The following AP2A2 variants were observed in gnomAD, a reference collection of about 807,000 sequenced individuals.
AP2A2 encodes AP-2 complex subunit alpha-2.
In AP2A2, 32 loss-of-function variants were observed where a neutral mutation model predicts 104.2. The observed-to-expected ratio is 0.31, with a 90% CI of 0.23 to 0.41. The LOEUF is 0.41. Ranked by LOEUF, AP2A2 falls within the 10% of genes least tolerant of loss-of-function variation. The pLI is 1.00. For synonymous variants in AP2A2, 539 were observed against 533.3 expected (o/e 1.01, Z -0.15); for missense variants, 912 against 1,261.0 (o/e 0.72, Z 4.19).
chr11:983,588 T>TTAG (rs1445258425), intron 6 of AP2A2, among the ~76,000 whole-genome samples: 2 of 151,892 alleles, frequency 1.3e-5, no homozygotes, highest in East Asian at 3.9e-4. Flanking sequence ...TTTCACTGTG[T>TTAG]TAGCCAGGAT....
At position 986,924 on chromosome 11, in the gene AP2A2, C is replaced by G; in HGVS notation, c.1102C>G (p.His368Asp). The G allele has an allele frequency of 1.3e-6, 2 of 1,596,800 alleles. No homozygotes were observed. Among genetic ancestry groups the G allele is most frequent in the Non-Finnish European group, 1.7e-6 (2 of 1,172,266 alleles). The part of the protein sequence containing the change: ...SEFSHEAVKT[H>D]IETVINALKT... ...GTTCTCCCATGAGGCTGTCAAGACGCACATCGAGACGGTCATCAACGCCCT... is the reference window on the plus strand; with the variant it reads ...GTTCTCCCATGAGGCTGTCAAGACGGACATCGAGACGGTCATCAACGCCCT... The change falls in exon 9 of 22, where the codon CAC becomes GAC. Residue 368 changes from histidine to aspartate, a missense_variant. His to Asp is a moderately conservative substitution (Grantham distance 81). This residue lies in a region of AP2A2 where 350 missense variants were observed against 487.0 expected (regional missense o/e 0.72). Coordinates refer to ENST00000448903, the MANE Select transcript of AP2A2 (RefSeq NM_012305.4).
chr11:966,229 G>A (rs374125233), intron 2 of AP2A2, among the ~76,000 whole-genome samples: 1 of 152,100 alleles, frequency 6.6e-6, no homozygotes, highest in Non-Finnish European at 1.5e-5. Flanking sequence ...GCGGTGGCTC[G>A]TGCCTATAAT....
At position 992,813 on chromosome 11, in the gene AP2A2, T is replaced by C. The variant is rs535223514; in HGVS notation, c.1452+128T>C. The C allele has an allele frequency of 6.4e-6, 6 of 943,612 alleles. No homozygotes were observed. Among genetic ancestry groups the C allele is most frequent in the Admixed American group, 6.2e-5 (3 of 48,356 alleles). The allele number at this position is 943,612 out of a possible 1,614,324, so 58.5% of individuals were successfully genotyped here. A position where few individuals can be genotyped will look rare whatever the true frequency, so the allele number is the denominator to read the frequency against. On this transcript the variant is annotated intron_variant, in intron 11 of 21. Transcript: ENST00000448903. The surrounding 1 kb of genome is among the most constrained non-coding windows in gnomAD (Gnocchi z 6.4). ...GCTGACCCCTCTTGCCCCTCAGCTC[T>C]TCCCTGAGGCTCTAGCTCCTCCACT...
At chr11:955,202 T>TGCACACATAGGCAC (rs1554884963) in intron 1 of AP2A2, among the ~76,000 whole-genome samples, 1 of 152,226 alleles carries the variant, frequency 6.6e-6, no homozygotes, top group Non-Finnish European at 1.5e-5. Flanking sequence ...CACAGTGGCA[T>TGCACACATAGGCAC]GCACACATAG....
intron 5 of AP2A2, among the ~76,000 whole-genome samples, chr11:978,403 C>T (rs1022230836): frequency 1.3e-4 from 20 of 152,280 alleles, no homozygotes; most frequent in African/African-American, 4.8e-4. Context: ...AGGGCCTTGC[C>T]TCAGATGGCC....
At chr11:955,254 C>T (rs2134545232) in intron 1 of AP2A2, among the ~76,000 whole-genome samples, 1 of 152,354 alleles carries the variant, frequency 6.6e-6, no homozygotes, top group East Asian at 1.9e-4. Flanking sequence ...CAGAGTGCCT[C>T]ACCCATGCGC....
chr11:927,816 CAAAAAAAAA>C (rs35472837), intron 1 of AP2A2, among the ~76,000 whole-genome samples: 1 of 68,838 alleles, frequency 1.5e-5, no homozygotes, highest in Non-Finnish European at 2.5e-5. Context: ...ACCTTTCTCA[CAAAAAAAAA>C]AAAAAAAAAA....
At chr11:962,562 A>G (rs1255904702) in intron 2 of AP2A2, among the ~76,000 whole-genome samples, 2 of 151,904 alleles carry the variant, frequency 1.3e-5, no homozygotes, top group Admixed American at 6.6e-5. Flanking sequence ...GTGAAACCCC[A>G]TCTTTACTAA....
intron 4 of AP2A2, among the ~76,000 whole-genome samples, chr11:975,834 C>T (rs139233969): frequency 1.1e-3 from 164 of 152,214 alleles, no homozygotes; most frequent in African/African-American, 3.5e-3. Flanking sequence ...GTGGGGTCCT[C>T]GGTCTCCCTC....
At chr11:999,105 TTGCTGGGGAGCC>T (rs1471448710) in intron 14 of AP2A2, among the ~76,000 whole-genome samples, 1 of 152,056 alleles carries the variant, frequency 6.6e-6, no homozygotes, top group African/African-American at 2.4e-5. Flanking sequence ...TGCTGGGGCA[TTGCTGGGGAGCC>T]TGCTGCCCTG....
At chr11:978,987 C>T (rs368592317) in intron 5 of AP2A2, among the ~76,000 whole-genome samples, 43 of 151,862 alleles carry the variant, frequency 2.8e-4, no homozygotes, top group African/African-American at 9.7e-4. Context: ...ATGGAGCAGA[C>T]AGGTTGGAGT....
chr11:941,081 TGCCTGGCTGCAG>T (rs1050412946), intron 1 of AP2A2, among the ~76,000 whole-genome samples: 1 of 152,238 alleles, frequency 6.6e-6, no homozygotes, highest in Non-Finnish European at 1.5e-5. Flanking sequence ...CCGAGGGGCC[TGCCTGGCTGCAG>T]GGTCTCATGG....
At chr11:1,003,631 C>T in intron 15 of AP2A2, 91 bp from the exon 16 acceptor site, 2 of 749,770 alleles carry the variant, frequency 2.7e-6, no homozygotes, top group Non-Finnish European at 2.1e-6. Context: ...TTTTTCTGGC[C>T]TCCTCGTGCT....
intron 14 of AP2A2, among the ~76,000 whole-genome samples, chr11:999,709 A>G (rs1855965597): frequency 6.6e-6 from 1 of 152,192 alleles, no homozygotes; most frequent in South Asian, 2.1e-4. Context: ...TTAATGATTA[A>G]TAATGCACCC....
At position 1,011,585 on chromosome 11, in the gene AP2A2, C is replaced by G. The variant is rs773357859; in HGVS notation, c.*960C>G. ...TCTCACCTGTCATCTGGACTCAGCA[C>G]CCAGGCTGCACGTCTGACACCTGAG... On this transcript the variant is annotated 3_prime_UTR_variant, in exon 22 of 22. Transcript: ENST00000448903. The G allele has an allele frequency of 2.3e-6, 1 of 440,006 alleles. No homozygotes were observed. Among genetic ancestry groups the G allele is most frequent in the African/African-American group, 2.0e-5 (1 of 50,062 alleles). The allele number at this position is 440,006 out of a possible 1,614,324, so 27.3% of individuals were successfully genotyped here. A position where few individuals can be genotyped will look rare whatever the true frequency, so the allele number is the denominator to read the frequency against.
rs770873625 is a variant in AP2A2, at chr11:972,048, C to G, written c.280-14C>G. The G allele has an allele frequency of 2.7e-5, 43 of 1,606,944 alleles. No individual in the cohort carries two copies. Among genetic ancestry groups the G allele is most frequent in the Non-Finnish European group, 3.6e-5 (42 of 1,176,392 alleles). On this transcript the variant is annotated splice_polypyrimidine_tract_variant and intron_variant, in intron 3 of 21. Coordinates refer to ENST00000448903, the MANE Select transcript of AP2A2 (RefSeq NM_012305.4). ...TGTCATGAGCTTTCTCTTCTCCTGT[C>G]TTTTGGAACGCAGGGCTACCTTTTC... is the stretch of plus-strand genomic sequence containing the variant.
At chr11:1,007,733 A>T in intron 17 of AP2A2, 1 of 536,464 alleles carries the variant, frequency 1.9e-6, no homozygotes. Context: ...TGTAAGACCC[A>T]GAGCCGAGGC....
Position 1,009,118 on chromosome 11 carries a change from G to T in AP2A2, c.2439G>T (p.Gln813His), listed in dbSNP as rs1286601171. 6.2e-7 allele frequency: 1 copy of T among 1,613,066 alleles called. No homozygotes were observed. Among genetic ancestry groups the T allele is most frequent in the Non-Finnish European group, 8.5e-7 (1 of 1,179,830 alleles). Residue 813 changes from glutamine to histidine, a missense_variant, in exon 19 of 22, where the codon CAG becomes CAT. Gln to His is a conservative substitution (Grantham distance 24). Transcript: ENST00000448903. ...CTGGCAGGTATGGGGGCACCTTCCA[G>T]AACGTGTCTGTGCAGCTGCCCATCA... ...NIQFRYGGTF[Q>H]NVSVQLPITL...
At chr11:949,823 A>G (rs1853982474) in intron 1 of AP2A2, among the ~76,000 whole-genome samples, 1 of 152,062 alleles carries the variant, frequency 6.6e-6, no homozygotes, top group Admixed American at 6.6e-5. Context: ...TCGAGTGAGA[A>G]TTGTCCCAGG....
Sources: gnomAD v4.1 joint callset for allele counts (sites outside exome capture counted in the v4.1 genomes callset) on GRCh38, gnomAD v4.1.1 for gene constraint, gnomAD v4.1.1 regional missense constraint, Gnocchi (gnomAD v3.1) non-coding constraint, MANE v1.5 for transcripts, NCBI Gene and HGNC (gene_info 2026-07-23, HGNC 2026-07-21) for gene names.